The following DERA variants were observed in gnomAD, a reference collection of about 807,000 sequenced individuals.
DERA encodes 2-deoxy-D-ribose 5-phosphate aldolase.
In DERA, 15 loss-of-function variants were observed where a neutral mutation model predicts 41.1. The observed-to-expected ratio is 0.37, with a 90% CI of 0.24 to 0.56. The LOEUF is 0.56. Among genes scored for constraint, DERA ranks in the 20% least tolerant of loss-of-function variants. The pLI is 0.81. For synonymous variants in DERA, 139 were observed against 137.4 expected (o/e 1.01, Z -0.08); for missense variants, 396 against 403.4 (o/e 0.98, Z 0.16).
At chr12:15,955,228 G>A (rs558669277) in intron 1 of DERA, among the ~76,000 whole-genome samples, 1 of 152,070 alleles carries the variant, frequency 6.6e-6, no homozygotes, top group East Asian at 1.9e-4. Context: ...GAACCCGGGA[G>A]GTGGAGGTTG....
In DERA at chr12:16,001,006, T is replaced by C. The variant is rs902740289; in HGVS notation, c.637+18570T>C. On this transcript the variant is annotated intron_variant, in intron 6 of 8. Coordinates refer to ENST00000428559, the MANE Select transcript of DERA (RefSeq NM_015954.4). This position sits in a 1 kb window ranked among gnomAD's most constrained non-coding sequence, Gnocchi z 4.1. ...ATCCTTAAAAGTGCTCTGAGACATT[T>C]TCATTATTGTCAGTATTTTCTAAAT... Among the ~76,000 whole-genome samples the C allele has an allele frequency of 2.0e-5, 3 of 152,228 alleles. No individual in the cohort carries two copies. Among genetic ancestry groups the C allele is most frequent in the Admixed American group, 6.5e-5 (1 of 15,282 alleles).
intron 1 of DERA, among the ~76,000 whole-genome samples, chr12:15,930,862 A>T (rs1045390186): frequency 6.6e-6 from 1 of 152,142 alleles, no homozygotes; most frequent in South Asian, 2.1e-4. Flanking sequence ...GACCAAAAAT[A>T]GATTTTTTCC....
intron 6 of DERA, among the ~76,000 whole-genome samples, chr12:16,028,466 A>C (rs939651695): frequency 2.6e-5 from 4 of 152,246 alleles, no homozygotes; most frequent in Admixed American, 1.3e-4. Flanking sequence ...ATAAAATTCC[A>C]AGTAATTATG....
chr12:15,952,221 C>T (rs1255868483), intron 1 of DERA, among the ~76,000 whole-genome samples: 3 of 152,194 alleles, frequency 2.0e-5, no homozygotes, highest in Admixed American at 6.5e-5. Context: ...TTTTTAATGG[C>T]TGAATTGTAT....
At position 15,935,926 on chromosome 12, in the gene DERA, G is replaced by A. The variant is rs1032954048; in HGVS notation, c.32-21010G>A. On this transcript the variant is annotated intron_variant, in intron 1 of 8. Coordinates refer to ENST00000428559, the MANE Select transcript of DERA (RefSeq NM_015954.4). This position sits in a 1 kb window ranked among gnomAD's most constrained non-coding sequence, Gnocchi z 4.8. ...ACCTGAAGGTTTGGCTGGAGCTAGA[G>A]GATCTGATTCCAAAGTGGCTCACCC... Among the ~76,000 whole-genome samples, 27 of 152,332 alleles carry A rather than the reference G, an allele frequency of 1.8e-4. No homozygotes were observed. The highest frequency in any genetic ancestry group is 5.8e-4 in the African/African-American group (24 of 41,578).
Position 15,967,674 on chromosome 12 carries a change from T to G in DERA, c.508+4727T>G, listed in dbSNP as rs1414977032. Among the ~76,000 whole-genome samples, 2 of 152,216 alleles carry G rather than the reference T, an allele frequency of 1.3e-5. No individual in the cohort carries two copies. The highest frequency in any genetic ancestry group is 4.8e-5 in the African/African-American group (2 of 41,446). ...ATCTTCTTATTTGTTACTGTTTTTT[T>G]GCCTACTCCTTAGTGGTTAAGCTTT... On this transcript the variant is annotated intron_variant, in intron 5 of 8. Transcript: ENST00000428559. This position sits in a 1 kb window ranked among gnomAD's most constrained non-coding sequence, Gnocchi z 4.9.
At chr12:15,919,772 A>G (rs947973098) in intron 1 of DERA, among the ~76,000 whole-genome samples, 2 of 152,206 alleles carry the variant, frequency 1.3e-5, no homozygotes, top group East Asian at 1.9e-4. Context: ...AGCAAAGTCT[A>G]AGACAAGAGT....
At position 16,009,437 on chromosome 12, in the gene DERA, C is replaced by T. The variant is rs939084532; in HGVS notation, c.638-23105C>T. ...ATCTTTAGTTTCCATGTATTAAATA[C>T]AAAAAATTGGGCCAAGTCAACCCAG... On this transcript the variant is annotated intron_variant, in intron 6 of 8. Transcript: ENST00000428559. This position sits in a 1 kb window ranked among gnomAD's most constrained non-coding sequence, Gnocchi z 5.3. Among the ~76,000 whole-genome samples the T allele has an allele frequency of 6.6e-6, 1 of 152,024 alleles. No homozygotes were observed. The highest frequency in any genetic ancestry group is 1.5e-5 in the Non-Finnish European group (1 of 67,974).
intron 5 of DERA, among the ~76,000 whole-genome samples, chr12:15,973,093 C>T (rs117674018): frequency 9.9e-5 from 15 of 152,138 alleles, no homozygotes; most frequent in East Asian, 9.7e-4. Context: ...CAGCTGGGAA[C>T]GACAGGCAGA....
At position 15,959,363 on chromosome 12, in the gene DERA, C is replaced by A. The variant is rs113224512; in HGVS notation, c.278-466C>A. On this transcript the variant is annotated intron_variant, in intron 3 of 8. Transcript: ENST00000428559. This position sits in a 1 kb window ranked among gnomAD's most constrained non-coding sequence, Gnocchi z 4.5. ...CCGTTTCAGATTTTATTATTTCTTG[C>A]AAAAGAGGGAATAGGATTAGTTAAA... Among the ~76,000 whole-genome samples, 301 of 152,188 alleles carry A rather than the reference C, an allele frequency of 2.0e-3. 2 individuals are homozygous for A. The highest frequency in any genetic ancestry group is 6.9e-3 in the African/African-American group (288 of 41,532).
At position 15,991,089 on chromosome 12, in the gene DERA, TC is replaced by T. The variant is rs1474862482; in HGVS notation, c.637+8655del. ...ACTCCCACCAACAGTGTAAAATAGG[TC>T]CTTTTTCTCCACAACCTCGCCAGCA... On this transcript the variant is annotated intron_variant, in intron 6 of 8. Transcript: ENST00000428559. Among the ~76,000 whole-genome samples the T allele has an allele frequency of 3.3e-5, 5 of 152,200 alleles. 1 individual carries two copies. The highest frequency in any genetic ancestry group is 9.7e-5 in the African/African-American group (4 of 41,450).
At chr12:16,034,827 A>T (rs956158789) in intron 7 of DERA, among the ~76,000 whole-genome samples, 1 of 152,212 alleles carries the variant, frequency 6.6e-6, no homozygotes, top group African/African-American at 2.4e-5. Flanking sequence ...ACTGAACTGT[A>T]TAGGAAATCT....
rs1235432864 is a variant in DERA at position 15,984,237 on chromosome 12, T to G, written c.637+1801T>G. ...TATCCTGGTCACAATGAAAGTGTAT[T>G]CATTCTGGGAGGTCAGCCAACCCTG... On this transcript the variant is annotated intron_variant, in intron 6 of 8. Coordinates refer to ENST00000428559, the MANE Select transcript of DERA (RefSeq NM_015954.4). The surrounding 1 kb of genome is among the most constrained non-coding windows in gnomAD (Gnocchi z 4.5). 1.3e-5 allele frequency among the ~76,000 whole-genome samples: 2 copies of G among 152,186 alleles called. No individual in the cohort carries two copies. The highest frequency in any genetic ancestry group is 4.8e-5 in the African/African-American group (2 of 41,444).
At chr12:16,015,106 G>A (rs1948972317) in intron 6 of DERA, among the ~76,000 whole-genome samples, 1 of 152,182 alleles carries the variant, frequency 6.6e-6, no homozygotes, top group Non-Finnish European at 1.5e-5. Flanking sequence ...GACTTGCCTT[G>A]TCTCAGATGA....
rs1265266744 is a variant in DERA at position 15,996,746 on chromosome 12, CAAG to C, written c.637+14315_637+14317del. ...GCTTTATGGTCTTATTATTTTCTGT[CAAG>C]AAGACCTGAAGAAGTTAGAGAAAAA... On this transcript the variant is annotated intron_variant, in intron 6 of 8. Coordinates refer to ENST00000428559, the MANE Select transcript of DERA (RefSeq NM_015954.4). The surrounding 1 kb of genome is among the most constrained non-coding windows in gnomAD (Gnocchi z 4.7). 6.6e-6 allele frequency among the ~76,000 whole-genome samples: 1 copy of C among 152,100 alleles called. No individual in the cohort carries two copies. Among genetic ancestry groups the C allele is most frequent in the Non-Finnish European group, 1.5e-5 (1 of 68,022 alleles).
At chr12:16,005,753 AG>A (rs1455526988) in intron 6 of DERA, among the ~76,000 whole-genome samples, 1 of 152,218 alleles carries the variant, frequency 6.6e-6, no homozygotes, top group African/African-American at 2.4e-5. Context: ...AGTATGGCTA[AG>A]TTCTTCTCGT....
At chr12:15,933,277 C>T (rs1363112747) in intron 1 of DERA, among the ~76,000 whole-genome samples, 2 of 152,194 alleles carry the variant, frequency 1.3e-5, no homozygotes, top group East Asian at 1.9e-4. Context: ...TACTAACTTA[C>T]ATTTCCAGCC....
Position 16,036,275 on chromosome 12 carries a change from C to A in DERA, c.794C>A (p.Ser265Tyr). The A allele has an allele frequency of 6.2e-7, 1 of 1,613,512 alleles. No homozygotes were observed. Among genetic ancestry groups the A allele is most frequent in the South Asian group, 1.1e-5 (1 of 91,018 alleles). The part of the protein sequence containing the change: ...PAGGIRSAKD[S>Y]LAWLSLVKEE... ...GGAGGCATCCGCAGTGCAAAGGATTCCCTTGCTTGGCTCTCTCTTGTAAAG... is the reference window on the plus strand; with the variant it reads ...GGAGGCATCCGCAGTGCAAAGGATTACCTTGCTTGGCTCTCTCTTGTAAAG... Residue 265 changes from serine (S) to tyrosine (Y), a missense_variant, in exon 8 of 9, where the codon TCC (serine) becomes TAC (tyrosine). Transcript: ENST00000428559. This position sits in a 1 kb window ranked among gnomAD's most constrained non-coding sequence, Gnocchi z 4.9.
chr12:15,993,110 A>G lies in DERA; in HGVS notation c.637+10674A>G, dbSNP rs1948812716. Reference sequence around the variant, plus strand: ...AAAGGTAGAATCCAGGGGAGGGAACATTCAAAATTCAACCCAATAAGATCA... The same window carrying G: ...AAAGGTAGAATCCAGGGGAGGGAACGTTCAAAATTCAACCCAATAAGATCA... On this transcript the variant is annotated intron_variant, in intron 6 of 8. Coordinates refer to ENST00000428559, the MANE Select transcript of DERA (RefSeq NM_015954.4). This position sits in a 1 kb window ranked among gnomAD's most constrained non-coding sequence, Gnocchi z 4.4. Among the ~76,000 whole-genome samples the G allele has an allele frequency of 6.6e-6, 1 of 152,180 alleles. No homozygotes were observed. Among genetic ancestry groups the G allele is most frequent in the South Asian group, 2.1e-4 (1 of 4,828 alleles).
Sources: gnomAD v4.1 joint callset for allele counts (sites outside exome capture counted in the v4.1 genomes callset) on GRCh38, gnomAD v4.1.1 for gene constraint, Gnocchi (gnomAD v3.1) non-coding constraint, MANE v1.5 for transcripts, NCBI Gene and HGNC (gene_info 2026-07-23, HGNC 2026-07-21) for gene names.